The following ATP6V0A4 variants were observed in gnomAD, a reference collection of about 807,000 sequenced individuals.
ATP6V0A4 encodes the protein V-type proton ATPase 116 kDa subunit a 4.
Under a neutral mutation model 107.3 loss-of-function variants are expected in ATP6V0A4, and 86 were observed. That is an observed-to-expected ratio of 0.80 (90% CI 0.67 to 0.96). The LOEUF (loss-of-function observed/expected upper bound fraction) is 0.96, where lower values mean the gene tolerates loss of function less well. Ranked by LOEUF, ATP6V0A4 falls within the 40% of genes least tolerant of loss-of-function variation. The pLI is 0.00. For missense variants in ATP6V0A4, 908 were observed against 1,045.6 expected (o/e 0.87, Z 1.81); for synonymous variants, 353 against 381.4 (o/e 0.93, Z 0.87).
chr7:138,716,717 C>G (rs1189347755), intron 19 of ATP6V0A4, among the ~76,000 whole-genome samples: 2 of 152,118 alleles, frequency 1.3e-5, no homozygotes, highest in African/African-American at 4.8e-5. Context: ...GCATGCATCA[C>G]CATACCTGGC....
intron 14 of ATP6V0A4, among the ~76,000 whole-genome samples, chr7:138,740,911 G>C (rs922858280): frequency 1.3e-5 from 2 of 151,546 alleles, no homozygotes; most frequent in African/African-American, 4.9e-5. Context: ...GGGAGGCTGA[G>C]GTGGGTGAAT....
At chr7:138,709,909 T>C in intron 20 of ATP6V0A4, 114 bp from the exon 21 acceptor site, 1 of 1,240,988 alleles carries the variant, frequency 8.1e-7, no homozygotes, top group East Asian at 3.6e-5. Context: ...AGACAGGGTC[T>C]CACTCTGTTG....
chr7:138,797,455 T>C (rs1485626421), intron 1 of ATP6V0A4, among the ~76,000 whole-genome samples: 1 of 151,844 alleles, frequency 6.6e-6, no homozygotes, highest in Admixed American at 6.6e-5. Flanking sequence ...TGACTTCAAG[T>C]GATCCACCTG....
intron 1 of ATP6V0A4, among the ~76,000 whole-genome samples, chr7:138,795,817 GTTTT>G (rs34865936): frequency 1.4e-4 from 21 of 151,026 alleles, no homozygotes; most frequent in Non-Finnish European, 2.5e-4. Context: ...ATTTTTTTGT[GTTTT>G]TTTTTGTTTG....
chr7:138,721,911 C>T lies in ATP6V0A4; in HGVS notation c.2125G>A (p.Asp709Asn), dbSNP rs142451916. 8.7e-6 allele frequency: 14 copies of T among 1,613,934 alleles called. No individual in the cohort carries two copies. Among genetic ancestry groups the T allele is most frequent in the African/African-American group, 1.3e-5 (1 of 74,894 alleles). Reference sequence around the variant, plus strand: ...GTCCCAGATACCTCTTCTCCATGGTCGTCCAGAGCCCCGTGGGTATCTGCA... The same window carrying T: ...GTCCCAGATACCTCTTCTCCATGGTTGTCCAGAGCCCCGTGGGTATCTGCA... ...TSADTHGALD[D>N]HGEEFNFGDV... Residue 709 changes from aspartate (D) to asparagine (N), a missense_variant, in exon 19 of 22, where the codon GAC (aspartate) becomes AAC (asparagine). Coordinates refer to ENST00000310018, the MANE Select transcript of ATP6V0A4 (RefSeq NM_020632.3).
chr7:138,730,931 C>CTTTTTTTTTTTTTTTTTTTTTTTTTTT (rs66521953), intron 17 of ATP6V0A4, among the ~76,000 whole-genome samples: 1 of 123,758 alleles, frequency 8.1e-6, no homozygotes, highest in Non-Finnish European at 1.6e-5. Flanking sequence ...TCTTCTTCTT[C>CTTTTTTTTTTTTTTTTTTTTTTTTTTT]TTTTTTTATT....
At chr7:138,760,185 T>C (rs1806732265) in intron 7 of ATP6V0A4, among the ~76,000 whole-genome samples, 1 of 152,186 alleles carries the variant, frequency 6.6e-6, no homozygotes, top group Non-Finnish European at 1.5e-5. Context: ...GGCTCACACC[T>C]GTAATCCCAG....
rs1265979906 is a variant in ATP6V0A4, at chr7:138,768,874, C to T, written c.197G>A (p.Arg66His). The change falls in exon 5 of 22, where the codon CGT becomes CAT. Residue 66 changes from arginine (R) to histidine (H), a missense_variant and splice_region_variant. Coordinates refer to ENST00000310018, the MANE Select transcript of ATP6V0A4 (RefSeq NM_020632.3). ...RRCESLERIL[R>H]FLEDEMQNEI... Reference sequence around the variant, plus strand: ...ATTTTGCATCTCGTCTTCCAGAAAACCTGAAGAATGAAAACCCACCAGAAA... The same window carrying T: ...ATTTTGCATCTCGTCTTCCAGAAAATCTGAAGAATGAAAACCCACCAGAAA... 3.1e-6 allele frequency: 5 copies of T among 1,613,898 alleles called. No homozygotes were observed. Among genetic ancestry groups the T allele is most frequent in the African/African-American group, 1.3e-5 (1 of 74,882 alleles).
At chr7:138,722,574 G>A (rs1229403271) in intron 18 of ATP6V0A4, among the ~76,000 whole-genome samples, 4 of 149,914 alleles carry the variant, frequency 2.7e-5, no homozygotes, top group South Asian at 2.1e-4. Context: ...CTGGCACCCC[G>A]TCTCTATTAA....
At chr7:138,789,527 C>T (rs758080255) in intron 1 of ATP6V0A4, among the ~76,000 whole-genome samples, 1 of 151,304 alleles carries the variant, frequency 6.6e-6, no homozygotes, top group East Asian at 2.0e-4. Context: ...GGATTACAGG[C>T]GTGAGCCACC....
At chr7:138,760,130 G>A (rs748367407) in intron 7 of ATP6V0A4, among the ~76,000 whole-genome samples, 8 of 151,946 alleles carry the variant, frequency 5.3e-5, no homozygotes, top group South Asian at 2.1e-4. Context: ...ATACTATATC[G>A]TCACTAATTG....
At chr7:138,753,207 C>T (rs1213361608) in intron 10 of ATP6V0A4, among the ~76,000 whole-genome samples, 1 of 152,144 alleles carries the variant, frequency 6.6e-6, no homozygotes, top group Non-Finnish European at 1.5e-5. Flanking sequence ...GGGCTCTAAT[C>T]CCATATGACC....
intron 5 of ATP6V0A4, 89 bp downstream of exon 5, chr7:138,768,691 C>A: frequency 6.7e-7 from 1 of 1,484,820 alleles, no homozygotes; most frequent in South Asian, 1.2e-5. Flanking sequence ...CAAACAGGTA[C>A]GGAATCTGCA....
intron 2 of ATP6V0A4, among the ~76,000 whole-genome samples, chr7:138,781,195 G>T (rs1409257250): frequency 6.6e-6 from 1 of 152,246 alleles, no homozygotes; most frequent in African/African-American, 2.4e-5. Context: ...AAGGTGTACT[G>T]CTGGCCTTGC....
At chr7:138,789,423 T>A (rs1207724267) in intron 1 of ATP6V0A4, among the ~76,000 whole-genome samples, 1 of 151,668 alleles carries the variant, frequency 6.6e-6, no homozygotes. Context: ...AGTTTTTGTA[T>A]TTTTAGTAGA....
intron 18 of ATP6V0A4, among the ~76,000 whole-genome samples, chr7:138,726,336 G>A (rs1368849532): frequency 6.6e-6 from 1 of 152,246 alleles, no homozygotes; most frequent in Non-Finnish European, 1.5e-5. Context: ...GACCTGAGAT[G>A]TGGGAGTATG....
chr7:138,745,658 CAA>C (rs566336992), intron 13 of ATP6V0A4, among the ~76,000 whole-genome samples: 2 of 42,714 alleles, frequency 4.7e-5, no homozygotes, highest in Non-Finnish European at 4.3e-5. Flanking sequence ...GCCTGTGTCT[CAA>C]AAAAAAAAAA....
intron 14 of ATP6V0A4, among the ~76,000 whole-genome samples, chr7:138,740,413 G>A (rs1444977925): frequency 6.6e-6 from 1 of 151,516 alleles, no homozygotes; most frequent in African/African-American, 2.4e-5. Context: ...GATGTCAATG[G>A]GAAGAAATTT....
At chr7:138,767,299 G>A (rs1807141168) in intron 5 of ATP6V0A4, among the ~76,000 whole-genome samples, 2 of 152,184 alleles carry the variant, frequency 1.3e-5, no homozygotes, top group Admixed American at 1.3e-4. Flanking sequence ...AAGGTGGGCG[G>A]ATCACCTGAG....
Sources: allele counts gnomAD v4.1 joint callset (sites outside exome capture counted in the v4.1 genomes callset), GRCh38; gene constraint gnomAD v4.1.1; transcripts MANE v1.5; gene names NCBI Gene and HGNC (gene_info 2026-07-23, HGNC 2026-07-21).